CHM: variants seen among roughly 807,000 people sequenced by gnomAD.
CHM encodes rab proteins geranylgeranyltransferase component A 1.
CHM carries 10 observed loss-of-function variants against 49.0 expected under a neutral mutation model. The ratio of observed to expected loss-of-function variants is 0.20; its 90% CI spans 0.13 to 0.35. The LOEUF is 0.35. Ranked by LOEUF, CHM falls within the 10% of genes least tolerant of loss-of-function variation. The pLI is 1.00. For missense variants in CHM, 455 were observed against 478.4 expected, an observed-to-expected ratio of 0.95 and a Z score of 0.46; for synonymous variants, 184 against 167.5, an observed-to-expected ratio of 1.10 and a Z score of -0.76.
intron 9 of CHM, among the ~76,000 whole-genome samples, chrX:85,906,715 C>T (rs1926609166): frequency 8.9e-6 from 1 of 112,164 alleles, no homozygotes; most frequent in South Asian, 3.7e-4. Flanking sequence ...CAGAATATGA[C>T]CACTACCATT....
chrX:85,938,489 C>A (rs1344453143), intron 8 of CHM, among the ~76,000 whole-genome samples: 2 of 108,228 alleles, frequency 1.8e-5, no homozygotes, highest in Non-Finnish European at 3.8e-5. Context: ...CACTACTCTT[C>A]TAATTTAGTA....
At chrX:85,948,448 C>T (rs186499537) in intron 8 of CHM, among the ~76,000 whole-genome samples, 9 of 111,488 alleles carry the variant, frequency 8.1e-5, no homozygotes, top group Middle Eastern at 4.7e-3. Context: ...TTAATGGATA[C>T]TAGGTAGCAA....
In CHM at chrX:85,905,690, A is replaced by G. The variant is rs1348506084; in HGVS notation, c.1245-4502T>C. On this transcript the variant is annotated intron_variant, in intron 9 of 14. Transcript: ENST00000357749. ...TAAGGATACAGTTATCTCAGGTAGA[A>G]GGGCAGAATTTGCGGGGTTACAAAG... Among the ~76,000 whole-genome samples the G allele has an allele frequency of 2.7e-5, 3 of 111,454 alleles. No homozygotes were observed. The East Asian group carries it at 8.4e-4, about 31-fold the overall frequency.
intron 4 of CHM, among the ~76,000 whole-genome samples, chrX:85,965,765 T>C (rs1166385464): frequency 9.0e-6 from 1 of 111,704 alleles, no homozygotes; most frequent in Non-Finnish European, 1.9e-5. Context: ...AAATGCCATA[T>C]TTACTGTTAT....
At chrX:86,013,061 C>T (rs778782336) in intron 2 of CHM, among the ~76,000 whole-genome samples, 4 of 111,525 alleles carry the variant, frequency 3.6e-5, no homozygotes, top group African/African-American at 1.3e-4. Flanking sequence ...TCTTTGCATA[C>T]TCAGCAATCA....
intron 8 of CHM, among the ~76,000 whole-genome samples, chrX:85,926,816 T>A (rs944764741): frequency 3.6e-5 from 4 of 111,647 alleles, no homozygotes; most frequent in African/African-American, 9.7e-5. Context: ...TAATTAAAAT[T>A]TAATTTAAAA....
At chrX:85,967,731 T>C (rs12859892) in intron 4 of CHM, among the ~76,000 whole-genome samples, 30,559 of 111,119 alleles carry the variant, frequency 0.28, 3,528 homozygotes, top group Admixed American at 0.39. Flanking sequence ...GTAACAATAT[T>C]TTTTAGATAA....
At chrX:85,884,098 C>A (rs935704174) in intron 12 of CHM, among the ~76,000 whole-genome samples, 1 of 110,480 alleles carries the variant, frequency 9.1e-6, no homozygotes, top group Non-Finnish European at 1.9e-5. Flanking sequence ...TTGGGTATGT[C>A]CTGAAAGATG....
chrX:85,922,486 G>A (rs1296046202), intron 8 of CHM, among the ~76,000 whole-genome samples: 1 of 112,469 alleles, frequency 8.9e-6, no homozygotes, highest in Non-Finnish European at 1.9e-5. Context: ...CTCTCCCCAA[G>A]ATCCCTGCTA....
At chrX:85,896,207 A>C (rs184696798) in intron 11 of CHM, among the ~76,000 whole-genome samples, 1 of 110,620 alleles carries the variant, frequency 9.0e-6, no homozygotes, top group Non-Finnish European at 1.9e-5. Flanking sequence ...GGAACAAAGA[A>C]AGACAATCAG....
At chrX:85,955,544 T>G (rs1171353841) in intron 8 of CHM, among the ~76,000 whole-genome samples, 1 of 112,064 alleles carries the variant, frequency 8.9e-6, no homozygotes, top group Non-Finnish European at 1.9e-5. Context: ...CAATGATAAT[T>G]TATGTGAGTT....
intron 4 of CHM, chrX:85,968,988 T>G (rs1056010007): frequency 2.4e-6 from 1 of 409,625 alleles, no homozygotes; most frequent in African/African-American, 2.7e-5. Flanking sequence ...TTTATTTGTA[T>G]TCGCTTCATC....
chrX:85,910,968 T>C (rs977900975), intron 9 of CHM, among the ~76,000 whole-genome samples: 28 of 98,893 alleles, frequency 2.8e-4, no homozygotes, highest in African/African-American at 1.0e-3. Flanking sequence ...TTAGTTTCTA[T>C]ATTCTGAACT....
intron 2 of CHM, among the ~76,000 whole-genome samples, chrX:86,010,046 T>C (rs1209195945): frequency 1.8e-5 from 2 of 109,012 alleles, no homozygotes; most frequent in Non-Finnish European, 3.8e-5. Flanking sequence ...GGGACATGGA[T>C]GAAGCTGGAA....
chrX:85,953,632 A>G (rs1259763806), intron 8 of CHM, among the ~76,000 whole-genome samples: 5 of 112,147 alleles, frequency 4.5e-5, no homozygotes, highest in African/African-American at 9.7e-5. Flanking sequence ...CCTACAGTGA[A>G]CTCATTTTTG....
At chrX:85,906,146 T>C (rs1459379930) in intron 9 of CHM, among the ~76,000 whole-genome samples, 3 of 111,833 alleles carry the variant, frequency 2.7e-5, no homozygotes, top group African/African-American at 9.8e-5. Flanking sequence ...ACTTTGTGAA[T>C]AGTGTAGAGA....
rs951001963 is a variant in CHM, at chrX:85,957,049, T to C, written c.941-671A>G. Among the ~76,000 whole-genome samples the C allele has an allele frequency of 3.6e-5, 4 of 111,995 alleles. No individual in the cohort carries two copies. The South Asian group carries it at 1.5e-3, about 42-fold the overall frequency. On this transcript the variant is annotated intron_variant, in intron 7 of 14. Transcript: ENST00000357749. The stretch of plus-strand genomic sequence containing the variant: ...AAATTATGAAAATTTACTGAGAGAA[T>C]TGAATTTTACACAGCCACTGTGGAT...
chrX:86,006,831 T>G (rs1288967133), intron 2 of CHM, among the ~76,000 whole-genome samples: 1 of 111,933 alleles, frequency 8.9e-6, no homozygotes, highest in Non-Finnish European at 1.9e-5. Flanking sequence ...ATGGCCATAC[T>G]GCCCAAGGTA....
chrX:86,016,081 C>T (rs953159527), intron 2 of CHM, among the ~76,000 whole-genome samples: 3 of 110,602 alleles, frequency 2.7e-5, no homozygotes, highest in African/African-American at 3.3e-5. Context: ...TGCAGTGAGC[C>T]GAGATCGCAC....
Sources: allele counts gnomAD v4.1 joint callset (sites outside exome capture counted in the v4.1 genomes callset), GRCh38; gene constraint gnomAD v4.1.1; transcripts MANE v1.5; gene names NCBI Gene and HGNC (gene_info 2026-07-23, HGNC 2026-07-21).